VRK2: variants seen among roughly 807,000 people sequenced by gnomAD.
The protein encoded by VRK2 is VRK serine/threonine kinase 2.
In VRK2, 60 loss-of-function variants were observed where a neutral mutation model predicts 57.6. The observed-to-expected ratio is 1.04, with a 90% CI of 0.85 to 1.29. VRK2 has a LOEUF of 1.29. Ranked by LOEUF, VRK2 falls within the 50% of genes most tolerant of loss-of-function variation. The pLI is 0.00. For missense variants in VRK2, 705 were observed against 588.1 expected (o/e 1.20, Z -2.06); for synonymous variants, 231 against 199.2 (o/e 1.16, Z -1.35).
At chr2:58,103,918 A>G (rs1449292805) in intron 7 of VRK2, among the ~76,000 whole-genome samples, 2 of 151,748 alleles carry the variant, frequency 1.3e-5, no homozygotes, top group Non-Finnish European at 3.0e-5. Flanking sequence ...GTTTCATTCC[A>G]GGGATGCAAG....
intron 1 of VRK2, among the ~76,000 whole-genome samples, chr2:57,948,773 A>G (rs951017802): frequency 6.6e-6 from 1 of 152,142 alleles, no homozygotes; most frequent in Non-Finnish European, 1.5e-5. Context: ...CACCCCAAAA[A>G]TAGCCATTAA....
At chr2:58,050,052 G>A (rs1675476841) in intron 2 of VRK2, among the ~76,000 whole-genome samples, 1 of 152,048 alleles carries the variant, frequency 6.6e-6, no homozygotes, top group African/African-American at 2.4e-5. Context: ...AAATACTATG[G>A]TTATTAAGTG....
chr2:57,941,352 C>T (rs537005396), intron 1 of VRK2, among the ~76,000 whole-genome samples: 5 of 152,222 alleles, frequency 3.3e-5, no homozygotes, highest in African/African-American at 1.2e-4. Flanking sequence ...ATATTGTGAG[C>T]AGGATGGCTG....
rs919897098 is a variant in VRK2, at chr2:57,947,183, T to G, written c.-439+39344T>G. Among the ~76,000 whole-genome samples the G allele has an allele frequency of 2.0e-5, 3 of 152,124 alleles. No homozygotes were observed. In the East Asian group the frequency reaches 5.8e-4, roughly 29 times the overall value. ...GTAAACAAAAACAGATGGTGTAATA[T>G]GTAAGCAACTACCACCAGAGTTAAA... is the stretch of plus-strand genomic sequence containing the variant. On this transcript the variant is annotated intron_variant, in intron 1 of 15. Coordinates refer to the VRK2 transcript ENST00000417641.
At chr2:58,119,802 T>G (rs1677147719) in intron 7 of VRK2, among the ~76,000 whole-genome samples, 1 of 151,674 alleles carries the variant, frequency 6.6e-6, no homozygotes, top group South Asian at 2.1e-4. Flanking sequence ...TGTATAAATA[T>G]TTTGAACCGT....
intron 11 of VRK2, among the ~76,000 whole-genome samples, chr2:58,141,555 G>C (rs568464068): frequency 2.6e-5 from 4 of 152,058 alleles, no homozygotes; most frequent in African/African-American, 9.6e-5. Flanking sequence ...GTTAAGAAAT[G>C]TATGTGATCA....
At chr2:58,033,972 T>A (rs1009808975) in intron 3 of VRK2, among the ~76,000 whole-genome samples, 1 of 152,040 alleles carries the variant, frequency 6.6e-6, no homozygotes, top group African/African-American at 2.4e-5. Flanking sequence ...AGAAATAAAA[T>A]AACTCAAGCT....
At chr2:58,029,435 T>G (rs1401803069) in intron 2 of VRK2, among the ~76,000 whole-genome samples, 1 of 152,140 alleles carries the variant, frequency 6.6e-6, no homozygotes, top group Non-Finnish European at 1.5e-5. Context: ...TCTTGCTTTG[T>G]GTCAACTCAG....
chr2:58,039,438 G>T (rs192264618), intron 3 of VRK2, among the ~76,000 whole-genome samples: 1 of 152,168 alleles, frequency 6.6e-6, no homozygotes, highest in Admixed American at 6.5e-5. Context: ...ACATCCAATA[G>T]GATTGAATTC....
chr2:57,957,522 C>G (rs1164589502), intron 1 of VRK2, among the ~76,000 whole-genome samples: 1 of 150,468 alleles, frequency 6.6e-6, no homozygotes, highest in Non-Finnish European at 1.5e-5. Flanking sequence ...TTTTTTATCT[C>G]ATTTTCAAAA....
At position 57,920,611 on chromosome 2, in the gene VRK2, C is replaced by T. The variant is rs768073232; in HGVS notation, c.-439+12772C>T. ...GTTGAGTATCGGTGACCATAGGGTA[C>T]GCAACTGGATCTAAACACTGAAGAC... On this transcript the variant is annotated intron_variant, in intron 1 of 15. Transcript: ENST00000417641. Among the ~76,000 whole-genome samples the T allele has an allele frequency of 1.1e-4, 16 of 152,114 alleles. No individual in the cohort carries two copies. In the South Asian group the frequency reaches 1.2e-3, roughly 12 times the overall value.
At chr2:57,990,736 T>C (rs981770589) in intron 1 of VRK2, among the ~76,000 whole-genome samples, 2 of 152,176 alleles carry the variant, frequency 1.3e-5, no homozygotes, top group African/African-American at 4.8e-5. Context: ...GAAGTATATC[T>C]TACATTTCAA....
chr2:58,068,087 G>A (rs1232421289), intron 2 of VRK2, among the ~76,000 whole-genome samples: 4 of 151,922 alleles, frequency 2.6e-5, no homozygotes, highest in South Asian at 2.1e-4. Context: ...ATGCTACGAC[G>A]CCCAGCTAAT....
chr2:57,911,119 G>T (rs563573796), intron 1 of VRK2, among the ~76,000 whole-genome samples: 1 of 151,102 alleles, frequency 6.6e-6, no homozygotes, highest in African/African-American at 2.4e-5. Flanking sequence ...TTTCCTCATC[G>T]GCAAAATATG....
intron 1 of VRK2, among the ~76,000 whole-genome samples, chr2:57,987,964 A>C (rs1294289325): frequency 6.6e-6 from 1 of 152,184 alleles, no homozygotes; most frequent in African/African-American, 2.4e-5. Context: ...AACTACTGAG[A>C]CAGAAAACAG....
Position 58,004,654 on chromosome 2 carries a change from T to C in VRK2, c.-438-21011T>C, listed in dbSNP as rs1057402241. ...TTCCTTTAATATTCCTCAATAATGG[T>C]TAACTTTTTAAATTATGTCCTCTGC... On this transcript the variant is annotated intron_variant, in intron 1 of 15. Transcript: ENST00000417641. 5.9e-5 allele frequency among the ~76,000 whole-genome samples: 9 copies of C among 152,176 alleles called. No individual in the cohort carries two copies. The South Asian group carries it at 1.0e-3, about 17-fold the overall frequency.
intron 7 of VRK2, among the ~76,000 whole-genome samples, chr2:58,114,798 C>G (rs1676167735): frequency 6.6e-6 from 1 of 152,188 alleles, no homozygotes; most frequent in Admixed American, 6.5e-5. Context: ...GGAATTATGT[C>G]TGACAGAAGG....
At chr2:57,946,754 G>A (rs936489541) in intron 1 of VRK2, among the ~76,000 whole-genome samples, 11 of 152,068 alleles carry the variant, frequency 7.2e-5, no homozygotes, top group African/African-American at 2.4e-4. Flanking sequence ...AATACTTTCT[G>A]TTCAACCAAA....
At chr2:58,121,888 T>C (rs192786319) in intron 7 of VRK2, among the ~76,000 whole-genome samples, 1 of 152,332 alleles carries the variant, frequency 6.6e-6, no homozygotes, top group Non-Finnish European at 1.5e-5. Flanking sequence ...TCTGACTACA[T>C]GTCACAGTAA....
Sources: gnomAD v4.1 joint callset for allele counts (sites outside exome capture counted in the v4.1 genomes callset) on GRCh38, gnomAD v4.1.1 for gene constraint, MANE v1.5 for transcripts, NCBI Gene and HGNC (gene_info 2026-07-23, HGNC 2026-07-21) for gene names.